ADGRB3: variants seen among roughly 807,000 people sequenced by gnomAD.
The protein encoded by ADGRB3 is brain-specific angiogenesis inhibitor 3.
In ADGRB3, 37 loss-of-function variants were observed where a neutral mutation model predicts 193.4. That is an observed-to-expected ratio of 0.19 (90% CI 0.15 to 0.25). ADGRB3 has a LOEUF of 0.25. Among genes scored for constraint, ADGRB3 ranks in the 10% least tolerant of loss-of-function variants. The pLI is 1.00. For synonymous variants in ADGRB3, 690 were observed against 644.2 expected (o/e 1.07, Z -1.08); for missense variants, 1,637 against 1,852.9 (o/e 0.88, Z 2.14).
intron 20 of ADGRB3, among the ~76,000 whole-genome samples, chr6:69,287,542 T>A (rs1421964223): frequency 6.6e-6 from 1 of 152,152 alleles, no homozygotes; most frequent in East Asian, 1.9e-4. Flanking sequence ...TTCACAAATA[T>A]TGATTTATTA....
chr6:69,244,094 G>A (rs10485254), intron 20 of ADGRB3, among the ~76,000 whole-genome samples: 21,762 of 151,910 alleles, frequency 0.14, 1,618 homozygotes, highest in Middle Eastern at 0.16. Context: ...GGAGGAAATT[G>A]TCTCATGGTT....
intron 3 of ADGRB3, among the ~76,000 whole-genome samples, chr6:68,911,011 CATG>C (rs1344475437): frequency 5.3e-5 from 8 of 152,020 alleles, no homozygotes; most frequent in African/African-American, 1.5e-4. Context: ...TGGCCATTTT[CATG>C]ATATTGATTC....
intron 17 of ADGRB3, among the ~76,000 whole-genome samples, chr6:69,122,588 T>G (rs1033752119): frequency 9.2e-5 from 14 of 151,740 alleles, no homozygotes; most frequent in Admixed American, 5.9e-4. Flanking sequence ...AAAGTAGGGA[T>G]GGGATCTCTG....
chr6:68,653,562 C>CA (rs1319382118), intron 3 of ADGRB3, among the ~76,000 whole-genome samples: 2 of 151,998 alleles, frequency 1.3e-5, no homozygotes, highest in African/African-American at 4.8e-5. Flanking sequence ...TATGATTTAT[C>CA]AAAAATGATC....
intron 8 of ADGRB3, among the ~76,000 whole-genome samples, chr6:68,967,759 A>AG (rs1224545317): frequency 6.6e-6 from 1 of 152,196 alleles, no homozygotes; most frequent in Non-Finnish European, 1.5e-5. Flanking sequence ...ACAAGGTGAC[A>AG]GGAAAGTGCT....
intron 3 of ADGRB3, among the ~76,000 whole-genome samples, chr6:68,745,151 C>T (rs1582166838): frequency 6.6e-6 from 1 of 152,298 alleles, no homozygotes; most frequent in East Asian, 1.9e-4. Context: ...TCCATGTTCA[C>T]AGCAGCACTA....
intron 10 of ADGRB3, among the ~76,000 whole-genome samples, chr6:68,984,009 A>G (rs774859622): frequency 6.6e-6 from 1 of 152,168 alleles, no homozygotes; most frequent in Non-Finnish European, 1.5e-5. Context: ...AAATACCTTG[A>G]GGTCTTTAAG....
At position 69,355,883 on chromosome 6, in the gene ADGRB3, A is replaced by G. The variant is rs750898483; in HGVS notation, c.3595+23A>G. On this transcript the variant is annotated intron_variant, in intron 28 of 31. Transcript: ENST00000370598. ...CAGGTAAGAATATTTAGATTTTGAA[A>G]TCTAATCAGTAGGGATGTTCAATCA... 6 of 1,569,990 alleles carry G rather than the reference A, an allele frequency of 3.8e-6. No homozygotes were observed. In the South Asian group the frequency reaches 5.6e-5, roughly 15 times the overall value.
At chr6:68,857,885 A>T (rs893514282) in intron 3 of ADGRB3, among the ~76,000 whole-genome samples, 5 of 152,222 alleles carry the variant, frequency 3.3e-5, no homozygotes, top group Middle Eastern at 3.4e-3. Flanking sequence ...GAGATGATTG[A>T]ATTATGTGGG....
chr6:69,373,248 A>G (rs1769743084), intron 30 of ADGRB3, among the ~76,000 whole-genome samples: 1 of 152,056 alleles, frequency 6.6e-6, no homozygotes, highest in African/African-American at 2.4e-5. Flanking sequence ...ATAGAACTCA[A>G]TACTCTTAAT....
At chr6:68,715,592 G>T (rs539110340) in intron 3 of ADGRB3, among the ~76,000 whole-genome samples, 7 of 151,678 alleles carry the variant, frequency 4.6e-5, no homozygotes, top group Non-Finnish European at 1.0e-4. Context: ...ATATTTCAAA[G>T]ATTGTTATTT....
chr6:69,218,083 A>AG (rs911877868), intron 17 of ADGRB3, among the ~76,000 whole-genome samples: 14 of 151,402 alleles, frequency 9.2e-5, no homozygotes, highest in Non-Finnish European at 1.6e-4. Context: ...AAAAAAAAAA[A>AG]AAGAAGAAGT....
chr6:69,133,407 A>G (rs1379263318), intron 17 of ADGRB3, among the ~76,000 whole-genome samples: 1 of 152,090 alleles, frequency 6.6e-6, no homozygotes, highest in Non-Finnish European at 1.5e-5. Flanking sequence ...GAGTTCACTC[A>G]TGATTTGGCT....
intron 17 of ADGRB3, among the ~76,000 whole-genome samples, chr6:69,111,412 C>A (rs898194227): frequency 2.0e-5 from 3 of 152,186 alleles, no homozygotes; most frequent in African/African-American, 7.2e-5. Flanking sequence ...AACAAGACCC[C>A]CCTTTTTGTG....
intron 3 of ADGRB3, among the ~76,000 whole-genome samples, chr6:68,708,563 TTGA>T (rs1459599895): frequency 1.3e-5 from 2 of 152,198 alleles, no homozygotes; most frequent in African/African-American, 4.8e-5. Context: ...TAACAGAAGT[TTGA>T]AACATGTCAC....
chr6:68,675,487 A>G (rs1207197891), intron 3 of ADGRB3, among the ~76,000 whole-genome samples: 1 of 152,194 alleles, frequency 6.6e-6, no homozygotes, highest in Non-Finnish European at 1.5e-5. Context: ...AATTTGAGTG[A>G]AATTAATGTT....
At chr6:68,780,665 T>G (rs769225459) in intron 3 of ADGRB3, among the ~76,000 whole-genome samples, 1 of 152,154 alleles carries the variant, frequency 6.6e-6, no homozygotes, top group African/African-American at 2.4e-5. Context: ...ATAGATTATT[T>G]CTGGTGTGCT....
intron 4 of ADGRB3, among the ~76,000 whole-genome samples, chr6:68,935,583 A>G (rs529420364): frequency 2.0e-5 from 3 of 152,306 alleles, no homozygotes; most frequent in Non-Finnish European, 4.4e-5. Flanking sequence ...GTTAACTGCT[A>G]GCAGCTAAAT....
intron 20 of ADGRB3, among the ~76,000 whole-genome samples, chr6:69,256,636 A>G (rs1452125887): frequency 6.6e-6 from 1 of 152,176 alleles, no homozygotes; most frequent in Non-Finnish European, 1.5e-5. Flanking sequence ...ATATACAATC[A>G]TGTCGTCTGC....
Sources: allele counts gnomAD v4.1 joint callset (sites outside exome capture counted in the v4.1 genomes callset), GRCh38; gene constraint gnomAD v4.1.1; transcripts MANE v1.5; gene names NCBI Gene and HGNC (gene_info 2026-07-23, HGNC 2026-07-21).